Variants in MFN1 observed in about 807,000 individuals in gnomAD.
The protein encoded by MFN1 is mitofusin 1.
A neutral mutation model predicts 92.4 loss-of-function variants in MFN1; 65 were observed. That is an observed-to-expected ratio of 0.70 (90% CI 0.58 to 0.86). MFN1 has a LOEUF of 0.86. Among genes scored for constraint, MFN1 ranks in the 40% least tolerant of loss-of-function variants. The pLI, the probability that MFN1 is intolerant of heterozygous loss-of-function variation, is 0.00. For missense variants in MFN1, 781 were observed against 868.0 expected, an observed-to-expected ratio of 0.90 and a Z score of 1.26; for synonymous variants, 297 against 300.9, an observed-to-expected ratio of 0.99 and a Z score of 0.13.
intron 16 of MFN1, among the ~76,000 whole-genome samples, chr3:179,387,650 A>G (rs145923246): frequency 1.6e-3 from 193 of 123,114 alleles, no homozygotes; most frequent in Middle Eastern, 7.2e-3. Context: ...CTGGAGTGCA[A>G]TGGCACAATC....
rs773450078 is a variant in MFN1, at chr3:179,377,459, G to A, written c.1329+11G>A. The A allele has an allele frequency of 6.8e-6, 10 of 1,460,918 alleles. No homozygotes were observed. Among genetic ancestry groups the A allele is most frequent in the Non-Finnish European group, 9.5e-6 (10 of 1,056,894 alleles). The allele number at this position is 1,460,918 out of a possible 1,614,324, so 90.5% of individuals were successfully genotyped here. On this transcript the variant is annotated intron_variant, in intron 12 of 17. Coordinates refer to ENST00000471841, the MANE Select transcript of MFN1 (RefSeq NM_033540.3). ...AAAATATATAAAAGTGTAAGTTAAA[G>A]TATAGATAAAATTATTCAGAGACAG...
At chr3:179,362,831 C>A (rs965419170) in intron 5 of MFN1, among the ~76,000 whole-genome samples, 4 of 152,184 alleles carry the variant, frequency 2.6e-5, no homozygotes, top group Non-Finnish European at 5.9e-5. Flanking sequence ...ACACCAGCCA[C>A]CTCACCTGGC....
At position 179,392,133 on chromosome 3, in the gene MFN1, G is replaced by C; in HGVS notation, c.*74G>C. ...AGATTGGAACAGTTGTTATTTTTAT[G>C]AAATTACTTTAAATATGAATTGTAC... On this transcript the variant is annotated 3_prime_UTR_variant, in exon 18 of 18. Transcript: ENST00000471841. 1 of 972,984 alleles carries C rather than the reference G, an allele frequency of 1.0e-6. No individual in the cohort carries two copies. Among genetic ancestry groups the C allele is most frequent in the Non-Finnish European group, 1.6e-6 (1 of 624,728 alleles). 60.3% of individuals were successfully genotyped at this position (972,984 alleles called of 1,614,324 possible).
chr3:179,363,494 A>AT (rs766420716), intron 5 of MFN1, among the ~76,000 whole-genome samples: 2,502 of 145,944 alleles, frequency 0.017, 59 homozygotes, highest in African/African-American at 0.056. Context: ...TTACCACGTG[A>AT]TTTTTTTTTT....
intron 3 of MFN1, among the ~76,000 whole-genome samples, chr3:179,354,938 A>C (rs960139516): frequency 4.6e-5 from 7 of 152,098 alleles, no homozygotes; most frequent in African/African-American, 1.7e-4. Flanking sequence ...CTGGGATTAC[A>C]GGAGTGCACC....
At chr3:179,360,760 T>C (rs1022521462) in intron 4 of MFN1, among the ~76,000 whole-genome samples, 1 of 152,310 alleles carries the variant, frequency 6.6e-6, no homozygotes, top group South Asian at 2.1e-4. Flanking sequence ...GTGAATTTGC[T>C]CTTTGATGTA....
chr3:179,380,088 G>C (rs1433739034), intron 14 of MFN1, among the ~76,000 whole-genome samples: 6 of 152,150 alleles, frequency 3.9e-5, no homozygotes, highest in Non-Finnish European at 7.4e-5. Flanking sequence ...TATTCAATAG[G>C]CTGGTTAGAG....
rs779681272 is a variant in MFN1, at chr3:179,378,385, T to G, written c.1374T>G (p.Ala458=). ...HIEDGMGRNL[A]DRCTDEVNAL... ...AGGATGGTATGGGAAGAAATTTGGC[T>G]GATCGATGCACCGATGAAGTAAACG... is the stretch of plus-strand genomic sequence containing the variant. The change falls in exon 13 of 18, where the codon GCT becomes GCG. Residue 458 remains alanine (A), a synonymous_variant. Transcript: ENST00000471841. 5 of 1,605,874 alleles carry G rather than the reference T, an allele frequency of 3.1e-6. No individual in the cohort carries two copies. In the African/African-American group the frequency reaches 4.0e-5, roughly 13 times the overall value.
Position 179,386,634 on chromosome 3 carries a change from G to T in MFN1, c.2012+5G>T. On this transcript the variant is annotated splice_donor_5th_base_variant and intron_variant, in intron 16 of 17. Transcript: ENST00000471841. Reference sequence around the variant, plus strand: ...CTGCAGTCACCAAGTAAAACAGTAAGTTGGAAGGTGCATCTTTCCTTTAAA... The same window carrying T: ...CTGCAGTCACCAAGTAAAACAGTAATTTGGAAGGTGCATCTTTCCTTTAAA... The T allele has an allele frequency of 6.3e-7, 1 of 1,595,034 alleles. No homozygotes were observed. Among genetic ancestry groups the T allele is most frequent in the Non-Finnish European group, 8.5e-7 (1 of 1,172,188 alleles).
chr3:179,375,114 T>C, intron 9 of MFN1, 106 bp from the exon 10 acceptor site: 1 of 1,254,762 alleles, frequency 8.0e-7, no homozygotes, highest in South Asian at 1.8e-5. Context: ...TTTCTATCTT[T>C]ATTTCTGTTT....
chr3:179,387,792 G>C (rs1309976748), intron 16 of MFN1, among the ~76,000 whole-genome samples: 8 of 146,758 alleles, frequency 5.5e-5, no homozygotes, highest in Non-Finnish European at 9.0e-5. Context: ...GCAGTAGCAC[G>C]ATCTCGGCTC....
chr3:179,362,536 A>C, intron 5 of MFN1, 54 bp downstream of exon 5: 1 of 1,506,320 alleles, frequency 6.6e-7, no homozygotes, highest in East Asian at 2.4e-5. Flanking sequence ...ATAGTATAAT[A>C]CTGCTTACTT....
chr3:179,367,736 A>G (rs1712854671), intron 8 of MFN1, 144 bp downstream of exon 8: 3 of 582,742 alleles, frequency 5.1e-6, no homozygotes. Context: ...CAGCCTGGCC[A>G]ACATGGTGAA....
intron 2 of MFN1, 114 bp from the exon 3 acceptor site, chr3:179,351,786 C>G: frequency 1.1e-6 from 1 of 922,376 alleles, no homozygotes; most frequent in Non-Finnish European, 1.6e-6. Context: ...CATTGAGATG[C>G]TGTGGGTGGC....
chr3:179,351,959 C>A lies in MFN1; in HGVS notation c.172C>A (p.Gln58Lys). 6.2e-7 allele frequency: 1 copy of A among 1,610,426 alleles called. No individual in the cohort carries two copies. The highest frequency in any genetic ancestry group is 1.1e-5 in the South Asian group (1 of 90,662). ...IATEDDLVEM[Q>K]GYKDKLSIIG... is the part of the protein sequence containing the mutation. ...CACTGAAGATGATCTGGTAGAAATG[C>A]AAGGATATAAAGACAAGCTTTCCAT... Residue 58 changes from glutamine to lysine, a missense_variant, in exon 3 of 18, where the codon CAA becomes AAA. Coordinates refer to ENST00000471841, the MANE Select transcript of MFN1 (RefSeq NM_033540.3).
chr3:179,385,076 T>C (rs1713624042), intron 14 of MFN1, among the ~76,000 whole-genome samples: 1 of 151,408 alleles, frequency 6.6e-6, no homozygotes, highest in Admixed American at 6.6e-5. Context: ...GGGCTAATTT[T>C]TTTTTTTTAT....
rs755881517 is a variant in MFN1 at position 179,358,985 on chromosome 3, G to GA, written c.401dup (p.Ser135GlufsTer6). ...CTATCTTATGACAGAAGGATCAGAT[G>GA]AAAAAAAGAGTGTGAAGGTATGATC... On this transcript the variant is annotated frameshift_variant, in exon 4 of 18. Coordinates refer to ENST00000471841, the MANE Select transcript of MFN1 (RefSeq NM_033540.3). LOFTEE classifies it high-confidence loss of function. 1.2e-6 allele frequency: 2 copies of GA among 1,610,514 alleles called. No individual in the cohort carries two copies. The highest frequency in any genetic ancestry group is 1.7e-6 in the Non-Finnish European group (2 of 1,178,860).
intron 7 of MFN1, 42 bp downstream of exon 7, chr3:179,365,267 C>T (rs367879788): frequency 3.7e-5 from 40 of 1,078,620 alleles, no homozygotes; most frequent in Non-Finnish European, 4.9e-5. Context: ...GAAATACAGT[C>T]ACATACATTG....
Position 179,378,712 on chromosome 3 carries a change from T to C in MFN1, c.1560T>C (p.Ile520=). ...HKLCSDFQED[I]VFRFSLGWSS... Reference sequence around the variant, plus strand: ...TATGTTCAGATTTTCAAGAGGATATTGTATTTCGTTTTTCCCTGGGCTGGT... The same window carrying C: ...TATGTTCAGATTTTCAAGAGGATATCGTATTTCGTTTTTCCCTGGGCTGGT... The change falls in exon 14 of 18, where the codon ATT becomes ATC. Residue 520 remains isoleucine (I), a synonymous_variant. Transcript: ENST00000471841. 1 of 1,613,938 alleles carries C rather than the reference T, an allele frequency of 6.2e-7. No homozygotes were observed. The highest frequency in any genetic ancestry group is 1.1e-5 in the South Asian group (1 of 91,068).
Sources: gnomAD v4.1 joint callset for allele counts (sites outside exome capture counted in the v4.1 genomes callset) on GRCh38, gnomAD v4.1.1 for gene constraint, MANE v1.5 for transcripts, NCBI Gene and HGNC (gene_info 2026-07-23, HGNC 2026-07-21) for gene names.